Variants in ANXA2 observed in about 807,000 individuals in gnomAD.
The protein encoded by ANXA2 is annexin A2.
ANXA2 carries 28 observed loss-of-function variants against 47.3 expected under a neutral mutation model. The observed-to-expected ratio is 0.59, with a 90% CI of 0.44 to 0.81. The LOEUF is 0.81. Among genes scored for constraint, ANXA2 ranks in the 40% least tolerant of loss-of-function variants. The pLI, the probability that ANXA2 is intolerant of heterozygous loss-of-function variation, is 0.00. For missense variants in ANXA2, 384 were observed against 414.3 expected (o/e 0.93, Z 0.64); for synonymous variants, 172 against 155.5 (o/e 1.11, Z -0.79).
chr15:60,364,694 T>C (rs2062568803), intron 3 of ANXA2, among the ~76,000 whole-genome samples, 171 bp from the exon 4 acceptor site: 1 of 152,176 alleles, frequency 6.6e-6, no homozygotes, highest in African/African-American at 2.4e-5. Flanking sequence ...CTCTACCCAA[T>C]GTGTACACTC....
intron 11 of ANXA2, 71 bp downstream of exon 11, chr15:60,351,122 G>C (rs1242928025): frequency 2.0e-5 from 30 of 1,511,830 alleles, no homozygotes; most frequent in Non-Finnish European, 1.6e-5. Context: ...GAATCAAGGA[G>C]ACTCAATTTG....
At chr15:60,360,448 C>A (rs546269821) in intron 5 of ANXA2, among the ~76,000 whole-genome samples, 2 of 152,124 alleles carry the variant, frequency 1.3e-5, no homozygotes, top group Admixed American at 6.6e-5. Context: ...GATTCAGGTA[C>A]GATTCTTCAT....
intron 8 of ANXA2, among the ~76,000 whole-genome samples, chr15:60,353,620 C>T (rs1333761108): frequency 1.3e-5 from 2 of 152,200 alleles, no homozygotes; most frequent in African/African-American, 2.4e-5. Context: ...AGGTTCCTCC[C>T]TTCCAAAGGA....
chr15:60,397,287 G>A, intron 1 of ANXA2: 12 of 985,504 alleles, frequency 1.2e-5, no homozygotes, highest in Non-Finnish European at 1.4e-5. Flanking sequence ...TCAACCAAGC[G>A]GGAAACTCTC....
At chr15:60,388,772 C>T in intron 1 of ANXA2, among the ~76,000 whole-genome samples, 1 of 143,626 alleles carries the variant, frequency 7.0e-6, no homozygotes, top group Non-Finnish European at 1.5e-5. Context: ...CAGGGTTTCT[C>T]TCTCTGTTAC....
intron 3 of ANXA2, among the ~76,000 whole-genome samples, chr15:60,381,807 G>C (rs937296332): frequency 2.6e-5 from 4 of 152,012 alleles, no homozygotes; most frequent in Non-Finnish European, 2.9e-5. Flanking sequence ...AAGGGGACTT[G>C]GAACAAAAAA....
intron 5 of ANXA2, among the ~76,000 whole-genome samples, chr15:60,359,932 T>C (rs145847430): frequency 3.7e-4 from 57 of 152,314 alleles, no homozygotes; most frequent in Non-Finnish European, 7.1e-4. Flanking sequence ...ACAACATACA[T>C]TAATGTGTGT....
At chr15:60,394,051 G>C (rs2140944234) in intron 1 of ANXA2, among the ~76,000 whole-genome samples, 1 of 152,244 alleles carries the variant, frequency 6.6e-6, no homozygotes, top group South Asian at 2.1e-4. Flanking sequence ...TCTTAGCAAA[G>C]CCCAGCAGGT....
At chr15:60,392,488 T>G (rs2063026068) in intron 1 of ANXA2, among the ~76,000 whole-genome samples, 1 of 142,676 alleles carries the variant, frequency 7.0e-6, no homozygotes, top group Non-Finnish European at 1.5e-5. Flanking sequence ...AAAGGACAAG[T>G]GAAGCAGTTT....
At chr15:60,385,057 A>T (rs983245354) in intron 2 of ANXA2, among the ~76,000 whole-genome samples, 6 of 152,198 alleles carry the variant, frequency 3.9e-5, no homozygotes, top group African/African-American at 1.4e-4. Context: ...TATAGCTTAA[A>T]TTTTTTATTT....
chr15:60,390,061 C>G (rs887855514), intron 1 of ANXA2, among the ~76,000 whole-genome samples: 1 of 152,136 alleles, frequency 6.6e-6, no homozygotes, highest in Non-Finnish European at 1.5e-5. Flanking sequence ...AGTCCCCCTA[C>G]AGATTTCAGA....
intron 8 of ANXA2, among the ~76,000 whole-genome samples, chr15:60,353,145 A>C (rs1235742708): frequency 6.6e-6 from 1 of 152,176 alleles, no homozygotes; most frequent in Non-Finnish European, 1.5e-5. Flanking sequence ...TTGAATTTTA[A>C]AACTAACATT....
chr15:60,361,140 T>C (rs2140826513), intron 4 of ANXA2, 86 bp from the exon 5 acceptor site: 1 of 938,532 alleles, frequency 1.1e-6, no homozygotes, highest in Non-Finnish European at 1.7e-6. Context: ...GATCTTTTTG[T>C]GAAGCAGGTT....
chr15:60,394,313 C>T (rs1392811881), intron 1 of ANXA2, among the ~76,000 whole-genome samples: 1 of 152,094 alleles, frequency 6.6e-6, no homozygotes, highest in African/African-American at 2.4e-5. Context: ...ACAGTCACTC[C>T]CTAGAATAAG....
intron 8 of ANXA2, 23 bp downstream of exon 8, chr15:60,354,131 A>G (rs2062388882): frequency 1.9e-6 from 3 of 1,610,006 alleles, no homozygotes; most frequent in Non-Finnish European, 1.7e-6. Context: ...ACAAAAACTC[A>G]AAGCAAAAAG....
chr15:60,361,952 G>A lies in ANXA2; in HGVS notation c.244-898C>T, dbSNP rs867093771. ...TCTTCTTTCTTTCCTTGCTTTCTAAGAGCACCTGTGGCATCTACAAAGCTT... is the reference window on the plus strand; with the variant it reads ...TCTTCTTTCTTTCCTTGCTTTCTAAAAGCACCTGTGGCATCTACAAAGCTT... On this transcript the variant is annotated intron_variant, in intron 4 of 12. Transcript: ENST00000451270. Among the ~76,000 whole-genome samples the A allele has an allele frequency of 4.7e-5, 7 of 150,152 alleles. No homozygotes were observed. In the Middle Eastern group the frequency reaches 0.01, roughly 222 times the overall value.
chr15:60,357,112 TGA>T (rs778836528), intron 6 of ANXA2, 32 bp downstream of exon 6: 36 of 1,595,112 alleles, frequency 2.3e-5, no homozygotes, highest in Non-Finnish European at 2.9e-5. Flanking sequence ...TAAATTGGGC[TGA>T]GAGGATGAAT....
rs1895851655 is a variant in ANXA2, at chr15:60,348,863, A to T, written c.960+212T>A. Among the ~76,000 whole-genome samples, 4 of 152,230 alleles carry T rather than the reference A, an allele frequency of 2.6e-5. No homozygotes were observed. The South Asian group carries it at 8.3e-4, about 32-fold the overall frequency. ...ATCATTGTAGAGTAACAGATGTGAA[A>T]AATATAAAACATCTGCCTGATTGTA... On this transcript the variant is annotated intron_variant, in intron 12 of 12. Coordinates refer to ENST00000451270, the MANE Select transcript of ANXA2 (RefSeq NM_004039.3).
At chr15:60,372,486 G>A (rs1444335893) in intron 3 of ANXA2, among the ~76,000 whole-genome samples, 3 of 152,192 alleles carry the variant, frequency 2.0e-5, no homozygotes, top group Admixed American at 2.0e-4. Context: ...GGTATGTGCT[G>A]GAGCACTATC....
Sources: allele counts gnomAD v4.1 joint callset (sites outside exome capture counted in the v4.1 genomes callset), GRCh38; gene constraint gnomAD v4.1.1; transcripts MANE v1.5; gene names NCBI Gene and HGNC (gene_info 2026-07-23, HGNC 2026-07-21).